PCDH15: variants seen among roughly 807,000 people sequenced by gnomAD.
PCDH15 encodes protocadherin related 15, also known as protocadherin-15.
In PCDH15, 129 loss-of-function variants were observed where a neutral mutation model predicts 178.5. The ratio of observed to expected loss-of-function variants is 0.72; its 90% confidence interval spans 0.63 to 0.84. The LOEUF is 0.84. Ranked by LOEUF, PCDH15 falls within the 40% of genes least tolerant of loss-of-function variation. The probability of loss-of-function intolerance (pLI) is 0.00; values close to 1 mark genes in which losing one functional copy is unlikely to be tolerated. For synonymous variants in PCDH15, 800 were observed against 732.0 expected (o/e 1.09, Z -1.50); for missense variants, 2,230 against 2,099.9 (o/e 1.06, Z -1.21).
intron 2 of PCDH15, among the ~76,000 whole-genome samples, chr10:55,581,303 AAT>A (rs1360256312): frequency 5.9e-5 from 9 of 152,020 alleles, no homozygotes; most frequent in African/African-American, 1.2e-4. Context: ...AAATAAATAA[AAT>A]ATATAACAGA....
intron 3 of PCDH15, among the ~76,000 whole-genome samples, chr10:54,381,536 C>T (rs563752465): frequency 1.2e-4 from 18 of 152,160 alleles, no homozygotes; most frequent in African/African-American, 4.1e-4. Flanking sequence ...TCTTCTTTGA[C>T]TTCATTTTAA....
At chr10:55,385,693 C>CTATATATATATATATATA (rs57143868) in intron 2 of PCDH15, among the ~76,000 whole-genome samples, 6 of 128,738 alleles carry the variant, frequency 4.7e-5, no homozygotes, top group African/African-American at 8.7e-5. Flanking sequence ...CTTCCTCTGC[C>CTATATATATATATATATA]TATATATATA....
chr10:55,017,020 A>T (rs1275379458), intron 2 of PCDH15, among the ~76,000 whole-genome samples: 3 of 152,130 alleles, frequency 2.0e-5, no homozygotes, highest in Admixed American at 2.0e-4. Flanking sequence ...ATCAGATAAA[A>T]GTTCTAACAT....
intron 3 of PCDH15, among the ~76,000 whole-genome samples, chr10:54,853,917 G>A (rs1953688907): frequency 6.6e-6 from 1 of 152,178 alleles, no homozygotes; most frequent in African/African-American, 2.4e-5. Flanking sequence ...GGCTGGATGT[G>A]CTTTTGCCCA....
chr10:55,391,496 G>T (rs1285219940), intron 2 of PCDH15, among the ~76,000 whole-genome samples: 1 of 151,546 alleles, frequency 6.6e-6, no homozygotes, highest in Non-Finnish European at 1.5e-5. Context: ...TTCTTTTTTG[G>T]GGGGTGGGGG....
At chr10:54,342,615 A>T (rs1202200089) in intron 6 of PCDH15, among the ~76,000 whole-genome samples, 1 of 150,660 alleles carries the variant, frequency 6.6e-6, no homozygotes, top group Non-Finnish European at 1.5e-5. Context: ...CTGTGAAAAG[A>T]GTCCCACTGT....
chr10:55,107,207 A>G (rs532255469), intron 2 of PCDH15, among the ~76,000 whole-genome samples: 2 of 152,296 alleles, frequency 1.3e-5, no homozygotes, highest in African/African-American at 4.8e-5. Flanking sequence ...AGGTCTGGAG[A>G]TTACCTTAGT....
At chr10:55,476,534 C>T (rs572316046) in intron 2 of PCDH15, among the ~76,000 whole-genome samples, 2 of 151,926 alleles carry the variant, frequency 1.3e-5, no homozygotes, top group South Asian at 2.1e-4. Flanking sequence ...CCAAATGTTG[C>T]CATGCATATA....
At chr10:54,284,999 C>A (rs1347300005) in intron 8 of PCDH15, among the ~76,000 whole-genome samples, 2 of 152,094 alleles carry the variant, frequency 1.3e-5, no homozygotes, top group African/African-American at 4.8e-5. Context: ...TTTATGTTGA[C>A]TATGCAAATT....
chr10:54,791,750 CA>C (rs1359927144), intron 1 of PCDH15, among the ~76,000 whole-genome samples: 2 of 151,824 alleles, frequency 1.3e-5, no homozygotes, highest in Non-Finnish European at 2.9e-5. Context: ...AAAATGTATT[CA>C]GAATCAAAAC....
chr10:55,261,915 G>C (rs1842154010), intron 1 of PCDH15, among the ~76,000 whole-genome samples: 1 of 151,162 alleles, frequency 6.6e-6, no homozygotes, highest in Non-Finnish European at 1.5e-5. Flanking sequence ...TTGGTCCTCA[G>C]AAAGCCAAAA....
intron 21 of PCDH15, among the ~76,000 whole-genome samples, chr10:53,962,467 T>A (rs779698288): frequency 1.1e-4 from 17 of 152,178 alleles, no homozygotes; most frequent in Admixed American, 3.9e-4. Context: ...TTGATTACCA[T>A]GCTAGGTATT....
chr10:53,983,292 G>A (rs995092617), intron 21 of PCDH15, among the ~76,000 whole-genome samples: 1 of 150,714 alleles, frequency 6.6e-6, no homozygotes, highest in African/African-American at 2.4e-5. Context: ...CGTTTTGCAG[G>A]CATGTGACTT....
At chr10:55,304,203 G>C (rs1383337472) in intron 1 of PCDH15, among the ~76,000 whole-genome samples, 1 of 151,966 alleles carries the variant, frequency 6.6e-6, no homozygotes, top group African/African-American at 2.4e-5. Flanking sequence ...AGGGCCTAAA[G>C]GTTTTCTGTC....
At chr10:55,254,516 G>A (rs943515975) in intron 1 of PCDH15, among the ~76,000 whole-genome samples, 1 of 152,102 alleles carries the variant, frequency 6.6e-6, no homozygotes, top group Non-Finnish European at 1.5e-5. Flanking sequence ...ACAGACCAAA[G>A]CAAAAGAGGA....
intron 26 of PCDH15, among the ~76,000 whole-genome samples, chr10:53,888,943 G>C (rs947432754): frequency 6.9e-6 from 1 of 145,724 alleles, no homozygotes; most frequent in Non-Finnish European, 1.5e-5. Flanking sequence ...ACTTAGAACA[G>C]AGAGAACACG....
chr10:54,693,937 G>T (rs11817402), intron 1 of PCDH15, among the ~76,000 whole-genome samples: 4,383 of 151,986 alleles, frequency 0.029, 93 homozygotes, highest in Non-Finnish European at 0.041. Context: ...TTTTCTCAAC[G>T]AAGTATATTT....
chr10:53,963,328 T>G (rs888729931), intron 21 of PCDH15, among the ~76,000 whole-genome samples: 1 of 152,154 alleles, frequency 6.6e-6, no homozygotes, highest in Admixed American at 6.5e-5. Context: ...AATACATTCT[T>G]TATTTAACCT....
chr10:55,445,006 C>T (rs79116027), intron 2 of PCDH15, among the ~76,000 whole-genome samples: 5,064 of 151,498 alleles, frequency 0.033, 360 homozygotes, highest in East Asian at 0.29. Flanking sequence ...TAGAATTAAA[C>T]GGAGAAAGAA....
Sources: gnomAD v4.1 joint callset for allele counts (sites outside exome capture counted in the v4.1 genomes callset) on GRCh38, gnomAD v4.1.1 for gene constraint, MANE v1.5 for transcripts, NCBI Gene and HGNC (gene_info 2026-07-23, HGNC 2026-07-21) for gene names.